The following ARHGAP44 variants were observed in gnomAD, a reference collection of about 807,000 sequenced individuals.
ARHGAP44 encodes the protein Rho GTPase activating protein 44, also known as rho GTPase-activating protein 44.
A neutral mutation model predicts 106.8 loss-of-function variants in ARHGAP44; 43 were observed. That is an observed-to-expected ratio of 0.40 (90% CI 0.32 to 0.52). The LOEUF (loss-of-function observed/expected upper bound fraction) is 0.52. Ranked by LOEUF, ARHGAP44 falls within the 20% of genes least tolerant of loss-of-function variation. The pLI, the probability that ARHGAP44 is intolerant of heterozygous loss-of-function variation, is 0.48. For synonymous variants in ARHGAP44, 439 were observed against 410.3 expected (o/e 1.07, Z -0.85); for missense variants, 866 against 1,050.5 (o/e 0.82, Z 2.43).
intron 6 of ARHGAP44, among the ~76,000 whole-genome samples, chr17:12,926,535 ATATATAT>A (rs199750457): frequency 0.026 from 3,764 of 145,960 alleles, 72 homozygotes; most frequent in Non-Finnish European, 0.04. Flanking sequence ...TTATACATAC[ATATATAT>A]TATATATATA....
intron 1 of ARHGAP44, among the ~76,000 whole-genome samples, chr17:12,862,225 G>C (rs2036107332): frequency 6.6e-6 from 1 of 152,070 alleles, no homozygotes; most frequent in African/African-American, 2.4e-5. Flanking sequence ...GATCTGTGAG[G>C]GGAGAGTCTG....
At chr17:12,971,923 T>C (rs2039537491) in intron 16 of ARHGAP44, among the ~76,000 whole-genome samples, 1 of 152,100 alleles carries the variant, frequency 6.6e-6, no homozygotes, top group Admixed American at 6.6e-5. Flanking sequence ...TCCCCATATT[T>C]CCTTAAAACA....
chr17:12,924,189 G>A (rs2038168239), intron 6 of ARHGAP44, among the ~76,000 whole-genome samples: 1 of 152,162 alleles, frequency 6.6e-6, no homozygotes, highest in South Asian at 2.1e-4. Flanking sequence ...AATTCTGATG[G>A]ATACTGTCAA....
intron 1 of ARHGAP44, among the ~76,000 whole-genome samples, chr17:12,833,868 T>C (rs1194727056): frequency 6.6e-6 from 1 of 152,106 alleles, no homozygotes; most frequent in Non-Finnish European, 1.5e-5. Flanking sequence ...AATGTCTGGG[T>C]TAATGTAAGG....
chr17:12,892,797 T>G (rs1021587826), intron 1 of ARHGAP44, among the ~76,000 whole-genome samples: 2 of 144,348 alleles, frequency 1.4e-5, no homozygotes, highest in African/African-American at 5.4e-5. Context: ...AACTGAGTTT[T>G]TTTTTTTTGT....
intron 1 of ARHGAP44, among the ~76,000 whole-genome samples, chr17:12,866,154 G>T (rs1402057776): frequency 6.6e-6 from 1 of 152,102 alleles, no homozygotes; most frequent in Non-Finnish European, 1.5e-5. Flanking sequence ...TAGGAGGACA[G>T]AATTATCTCT....
chr17:12,831,170 G>C (rs1449309969), intron 1 of ARHGAP44, among the ~76,000 whole-genome samples: 1 of 152,154 alleles, frequency 6.6e-6, no homozygotes, highest in Admixed American at 6.5e-5. Context: ...AACAACTCTT[G>C]TGAGGTCAGG....
intron 18 of ARHGAP44, among the ~76,000 whole-genome samples, chr17:12,976,891 C>T (rs985997611): frequency 2.6e-5 from 4 of 152,154 alleles, no homozygotes; most frequent in African/African-American, 7.2e-5. Context: ...AACGGACCCA[C>T]AGGCGGGAGA....
At chr17:12,824,444 C>T (rs2034861230) in intron 1 of ARHGAP44, among the ~76,000 whole-genome samples, 1 of 152,040 alleles carries the variant, frequency 6.6e-6, no homozygotes, top group Non-Finnish European at 1.5e-5. Flanking sequence ...GTGTTGTATC[C>T]AGCTGGATGT....
chr17:12,915,554 T>A (rs2037883671), intron 4 of ARHGAP44, among the ~76,000 whole-genome samples: 1 of 152,214 alleles, frequency 6.6e-6, no homozygotes, highest in Admixed American at 6.5e-5. Context: ...TTGCTTTGTA[T>A]TTGAAGATGA....
At position 12,818,461 on chromosome 17, in the gene ARHGAP44, T is replaced by C. The variant is rs578260121; in HGVS notation, c.53+28570T>C. On this transcript the variant is annotated intron_variant, in intron 1 of 20. Coordinates refer to ENST00000379672, the MANE Select transcript of ARHGAP44 (RefSeq NM_014859.6). ...CTTTCATTTCTTCTACTTAACCTTG[T>C]AGTGGTGATCCTAATCAGTGCAATA... 2.0e-5 allele frequency among the ~76,000 whole-genome samples: 3 copies of C among 152,032 alleles called. No individual in the cohort carries two copies. The South Asian group carries it at 6.2e-4, about 32-fold the overall frequency.
At chr17:12,825,817 C>G (rs1292764550) in intron 1 of ARHGAP44, among the ~76,000 whole-genome samples, 1 of 152,122 alleles carries the variant, frequency 6.6e-6, no homozygotes, top group Non-Finnish European at 1.5e-5. Context: ...TCTGTGTTAG[C>G]CCATTATTAT....
intron 20 of ARHGAP44, chr17:12,985,238 G>A (rs927737097): frequency 1.8e-5 from 5 of 270,736 alleles, no homozygotes; most frequent in Middle Eastern, 1.1e-3. Flanking sequence ...AGCTGGTTAT[G>A]ATCACAAAAC....
chr17:12,823,651 A>G (rs2034838155), intron 1 of ARHGAP44, among the ~76,000 whole-genome samples: 1 of 152,020 alleles, frequency 6.6e-6, no homozygotes, highest in African/African-American at 2.4e-5. Flanking sequence ...TATTCAACTG[A>G]TCTCTCAAAT....
intron 20 of ARHGAP44, chr17:12,985,111 G>A: frequency 3.2e-6 from 2 of 616,070 alleles, no homozygotes; most frequent in East Asian, 2.9e-5. Context: ...CCACACAGGG[G>A]CTTCTTATGG....
intron 19 of ARHGAP44, among the ~76,000 whole-genome samples, chr17:12,981,525 G>A (rs1282265959): frequency 6.6e-6 from 1 of 151,776 alleles, no homozygotes; most frequent in Non-Finnish European, 1.5e-5. Context: ...AGCCTCCCAA[G>A]TAGCTGAAAT....
chr17:12,842,932 C>G (rs56325219), intron 1 of ARHGAP44, among the ~76,000 whole-genome samples: 13,291 of 152,208 alleles, frequency 0.087, 1,160 homozygotes, highest in African/African-American at 0.23. Flanking sequence ...CCTGTCACCT[C>G]TAGGTGCAGA....
intron 16 of ARHGAP44, among the ~76,000 whole-genome samples, chr17:12,961,832 G>A (rs984910332): frequency 1.3e-5 from 2 of 152,192 alleles, no homozygotes; most frequent in African/African-American, 2.4e-5. Flanking sequence ...TTTTAAGGAA[G>A]TGTAGTGAAT....
chr17:12,881,902 G>A (rs2036749038), intron 1 of ARHGAP44, among the ~76,000 whole-genome samples: 1 of 152,140 alleles, frequency 6.6e-6, no homozygotes, highest in East Asian at 1.9e-4. Flanking sequence ...TGTTGTCTAG[G>A]CTGGTCAAGA....
Sources: gnomAD v4.1 joint callset for allele counts (sites outside exome capture counted in the v4.1 genomes callset) on GRCh38, gnomAD v4.1.1 for gene constraint, MANE v1.5 for transcripts, NCBI Gene and HGNC (gene_info 2026-07-23, HGNC 2026-07-21) for gene names.